LINGO2: variants seen among roughly 807,000 people sequenced by gnomAD.
The protein encoded by LINGO2 is leucine-rich repeat and immunoglobulin-like domain-containing nogo receptor-interacting protein 2.
LINGO2 carries 14 observed loss-of-function variants against 30.6 expected under a neutral mutation model. The ratio of observed to expected loss-of-function variants is 0.46; its 90% CI spans 0.30 to 0.72. LINGO2 has a LOEUF of 0.72. Ranked by LOEUF, LINGO2 falls within the 30% of genes least tolerant of loss-of-function variation. The pLI is 0.07. For missense variants in LINGO2, 729 were observed against 751.7 expected, an observed-to-expected ratio of 0.97 and a Z score of 0.35; for synonymous variants, 317 against 288.5, an observed-to-expected ratio of 1.10 and a Z score of -1.00.
intron 4 of LINGO2, among the ~76,000 whole-genome samples, chr9:28,248,203 C>T (rs1294963282): frequency 6.6e-6 from 1 of 152,096 alleles, no homozygotes; most frequent in Non-Finnish European, 1.5e-5. Context: ...TTGGAAGCAA[C>T]CTAAGTGTTC....
chr9:28,744,641 T>TGTGTGTGTGTGTGTGTGTGTA, the LINGO2 span, among the ~76,000 whole-genome samples: 2 of 104,054 alleles, frequency 1.9e-5, no homozygotes, highest in South Asian at 2.9e-4. Context: ...TGTGTGTGTA[T>TGTGTGTGTGTGTGTGTGTGTA]TTTTTTTTTT....
intron 4 of LINGO2, among the ~76,000 whole-genome samples, chr9:28,227,181 C>T (rs1432331732): frequency 2.0e-5 from 3 of 152,016 alleles, no homozygotes; most frequent in Non-Finnish European, 4.4e-5. Flanking sequence ...AAACTTGAAG[C>T]TCTGATAATG....
chr9:28,107,021 C>G (rs189419608), intron 4 of LINGO2, among the ~76,000 whole-genome samples: 1 of 152,148 alleles, frequency 6.6e-6, no homozygotes, highest in African/African-American at 2.4e-5. Context: ...CACCTCTCCC[C>G]CATTCCTTAA....
chr9:28,064,675 A>G (rs1825258657), intron 4 of LINGO2, among the ~76,000 whole-genome samples: 1 of 152,128 alleles, frequency 6.6e-6, no homozygotes. Flanking sequence ...CACAATTAAT[A>G]CCCAAGTGAA....
At chr9:28,277,558 C>G (rs1251928550) in intron 4 of LINGO2, among the ~76,000 whole-genome samples, 1 of 152,092 alleles carries the variant, frequency 6.6e-6, no homozygotes, top group Non-Finnish European at 1.5e-5. Flanking sequence ...AATCCCAGCA[C>G]TCTGGGAGGC....
the LINGO2 span, among the ~76,000 whole-genome samples, chr9:28,889,956 C>A: frequency 6.6e-6 from 1 of 152,064 alleles, no homozygotes; most frequent in East Asian, 1.9e-4. Flanking sequence ...TATCTCTTCT[C>A]CCCATAAAAA....
chr9:28,845,527 A>G, the LINGO2 span, among the ~76,000 whole-genome samples: 1 of 151,878 alleles, frequency 6.6e-6, no homozygotes, highest in Non-Finnish European at 1.5e-5. Context: ...AATTAATTGT[A>G]GCCAATAGTT....
the LINGO2 span, among the ~76,000 whole-genome samples, chr9:28,901,715 A>T: frequency 6.6e-6 from 1 of 151,672 alleles, no homozygotes; most frequent in Admixed American, 6.6e-5. Flanking sequence ...TAAACCATGA[A>T]TAAAAAGTAA....
chr9:28,339,262 TA>T (rs1166927771), intron 3 of LINGO2, among the ~76,000 whole-genome samples: 3 of 143,216 alleles, frequency 2.1e-5, no homozygotes, highest in Admixed American at 8.0e-5. Flanking sequence ...CTACTAATAA[TA>T]ACAGTAAACA....
intron 3 of LINGO2, among the ~76,000 whole-genome samples, chr9:28,328,170 C>T (rs10757728): frequency 0.17 from 26,147 of 152,014 alleles, 2,290 homozygotes; most frequent in Middle Eastern, 0.28. Flanking sequence ...GCTCATAGCA[C>T]GTGTAGTAGA....
chr9:28,014,852 C>A (rs1822747119), intron 4 of LINGO2, among the ~76,000 whole-genome samples: 1 of 152,102 alleles, frequency 6.6e-6, no homozygotes, highest in East Asian at 1.9e-4. Context: ...CTACCTCATG[C>A]AAATTCAATA....
chr9:28,768,591 A>G, the LINGO2 span, among the ~76,000 whole-genome samples: 8 of 149,882 alleles, frequency 5.3e-5, no homozygotes, highest in African/African-American at 2.0e-4. Context: ...ATATTTCCAG[A>G]CCTGTTTAGT....
chr9:28,224,211 C>T (rs1217896163), intron 4 of LINGO2, among the ~76,000 whole-genome samples: 1 of 152,064 alleles, frequency 6.6e-6, no homozygotes, highest in East Asian at 1.9e-4. Flanking sequence ...ACTACAGGTG[C>T]CCGCCACCAT....
At chr9:27,972,848 A>T (rs78736795) in intron 5 of LINGO2, among the ~76,000 whole-genome samples, 2,517 of 152,328 alleles carry the variant, frequency 0.017, 55 homozygotes, top group African/African-American at 0.057. Flanking sequence ...AAGAGATGCC[A>T]GGATAGTTAC....
At chr9:28,292,762 C>A (rs1380481580) in intron 4 of LINGO2, among the ~76,000 whole-genome samples, 5 of 150,454 alleles carry the variant, frequency 3.3e-5, no homozygotes, top group African/African-American at 1.2e-4. Context: ...CCACGCCTGG[C>A]CCTGATTTTT....
chr9:28,011,018 C>G (rs1275920576), intron 5 of LINGO2, among the ~76,000 whole-genome samples: 1 of 152,104 alleles, frequency 6.6e-6, no homozygotes, highest in South Asian at 2.1e-4. Context: ...ACAGCTTATC[C>G]CCTTGTGGTT....
At chr9:28,344,713 C>T (rs936793081) in intron 3 of LINGO2, among the ~76,000 whole-genome samples, 1 of 148,996 alleles carries the variant, frequency 6.7e-6, no homozygotes, top group East Asian at 1.9e-4. Context: ...TATCCACTCT[C>T]AAAAAGAAAA....
chr9:28,346,937 C>G (rs1819601692), intron 3 of LINGO2, among the ~76,000 whole-genome samples: 1 of 151,138 alleles, frequency 6.6e-6, no homozygotes, highest in Non-Finnish European at 1.5e-5. Flanking sequence ...AGACTTTTGT[C>G]AGATACATAG....
intron 5 of LINGO2, among the ~76,000 whole-genome samples, chr9:27,981,534 C>CAAAAAAAAAA (rs763284293): frequency 3.3e-3 from 129 of 39,634 alleles, no homozygotes; most frequent in Middle Eastern, 0.015. Flanking sequence ...ACGAGGATGG[C>CAAAAAAAAAA]AAAAAAAAAA....
Sources: gnomAD v4.1 joint callset for allele counts (sites outside exome capture counted in the v4.1 genomes callset) on GRCh38, gnomAD v4.1.1 for gene constraint, MANE v1.5 for transcripts, NCBI Gene and HGNC (gene_info 2026-07-23, HGNC 2026-07-21) for gene names.